The following VWA3B variants were observed in gnomAD, a reference collection of about 807,000 sequenced individuals.
VWA3B encodes von Willebrand factor A domain-containing protein 3B.
In VWA3B, 138 loss-of-function variants were observed where a neutral mutation model predicts 158.3. That is an observed-to-expected ratio of 0.87 (90% CI 0.76 to 1.00). The LOEUF (loss-of-function observed/expected upper bound fraction) is 1.00, where lower values mean the gene tolerates loss of function less well. VWA3B is among the 50% of genes least tolerant of loss of function. VWA3B has a pLI of 0.00. For synonymous variants in VWA3B, 596 were observed against 587.3 expected (o/e 1.01, Z -0.21); for missense variants, 1,555 against 1,565.1 (o/e 0.99, Z 0.11).
chr2:98,328,883 C>G, the VWA3B span, among the ~76,000 whole-genome samples: 1 of 152,148 alleles, frequency 6.6e-6, no homozygotes, highest in Non-Finnish European at 1.5e-5. Flanking sequence ...CCAAATCATT[C>G]TTAATAAAAT....
chr2:98,329,202 A>G, the VWA3B span, among the ~76,000 whole-genome samples: 2 of 152,262 alleles, frequency 1.3e-5, no homozygotes, highest in Admixed American at 6.5e-5. Context: ...AGATTAGATC[A>G]TAGACATAAA....
intron 7 of VWA3B, among the ~76,000 whole-genome samples, chr2:98,140,383 A>G (rs931322934): frequency 5.3e-5 from 8 of 152,198 alleles, no homozygotes; most frequent in Non-Finnish European, 1.0e-4. Context: ...CAGGAGATTT[A>G]GTCTGGCAGA....
At chr2:98,139,034 G>A (rs1052873060) in intron 7 of VWA3B, among the ~76,000 whole-genome samples, 9 of 152,226 alleles carry the variant, frequency 5.9e-5, no homozygotes, top group African/African-American at 1.7e-4. Flanking sequence ...GGGGCTGCGC[G>A]TGGAGCTTGC....
intron 20 of VWA3B, among the ~76,000 whole-genome samples, chr2:98,253,255 T>G (rs75516905): frequency 6.6e-6 from 1 of 152,270 alleles, no homozygotes; most frequent in Admixed American, 6.5e-5. Context: ...CTAAGGAGTT[T>G]TCCAACAAAG....
At chr2:98,181,985 A>C (rs562119877) in intron 9 of VWA3B, among the ~76,000 whole-genome samples, 1 of 152,380 alleles carries the variant, frequency 6.6e-6, no homozygotes, top group East Asian at 1.9e-4. Context: ...AAGACTAAGA[A>C]GTGTCCCAAT....
At chr2:98,220,212 A>G (rs1427352037) in intron 14 of VWA3B, among the ~76,000 whole-genome samples, 1 of 151,616 alleles carries the variant, frequency 6.6e-6, no homozygotes, top group Non-Finnish European at 1.5e-5. Flanking sequence ...AAAAGAATTC[A>G]TCACCAACAA....
intron 8 of VWA3B, among the ~76,000 whole-genome samples, chr2:98,178,184 G>C (rs1201577906): frequency 6.6e-6 from 1 of 152,190 alleles, no homozygotes; most frequent in East Asian, 1.9e-4. Context: ...TCGGAGCTCT[G>C]AGAAGCCTCT....
At chr2:98,293,531 A>G (rs980509086) in intron 23 of VWA3B, among the ~76,000 whole-genome samples, 4 of 152,222 alleles carry the variant, frequency 2.6e-5, no homozygotes, top group African/African-American at 9.6e-5. Flanking sequence ...AAAAGTCACA[A>G]GAATAATACA....
intron 2 of VWA3B, among the ~76,000 whole-genome samples, chr2:98,110,080 C>CTTTTTTT (rs541914854): frequency 1.4e-5 from 2 of 145,044 alleles, no homozygotes; most frequent in Non-Finnish European, 1.5e-5. Context: ...TCTTTGAATT[C>CTTTTTTT]TTTTTTTTTT....
chr2:98,172,258 G>A (rs1287092161), intron 8 of VWA3B, among the ~76,000 whole-genome samples: 3 of 152,250 alleles, frequency 2.0e-5, no homozygotes, highest in African/African-American at 7.2e-5. Flanking sequence ...GGAGCTAGAA[G>A]GGTGATGGTT....
intron 8 of VWA3B, among the ~76,000 whole-genome samples, chr2:98,172,166 G>T (rs955377559): frequency 6.6e-6 from 1 of 152,238 alleles, no homozygotes; most frequent in Non-Finnish European, 1.5e-5. Context: ...TTGCCTTGGT[G>T]TACCAGAAGA....
chr2:98,119,455 G>A, intron 3 of VWA3B, 58 bp from the exon 4 acceptor site: 1 of 1,577,766 alleles, frequency 6.3e-7, no homozygotes, highest in African/African-American at 1.4e-5. Context: ...GCAGCACTGT[G>A]GTTCAAATGA....
At chr2:98,216,986 G>GA (rs1558686887) in intron 13 of VWA3B, 1 of 1,235,194 alleles carries the variant, frequency 8.1e-7, no homozygotes. Context: ...GTAAGCACCC[G>GA]CCCCGCACCC....
intron 26 of VWA3B, among the ~76,000 whole-genome samples, chr2:98,305,093 G>A (rs1365855862): frequency 6.6e-6 from 1 of 151,962 alleles, no homozygotes; most frequent in Non-Finnish European, 1.5e-5. Flanking sequence ...GAGTCGCTTT[G>A]GACGCCACCA....
At chr2:98,264,741 T>C (rs182560974) in intron 21 of VWA3B, among the ~76,000 whole-genome samples, 11 of 152,254 alleles carry the variant, frequency 7.2e-5, no homozygotes, top group African/African-American at 1.4e-4. Flanking sequence ...ATTGGTGGTG[T>C]TCAAGTCCTT....
At chr2:98,204,588 T>G (rs1682855974) in intron 12 of VWA3B, among the ~76,000 whole-genome samples, 1 of 152,264 alleles carries the variant, frequency 6.6e-6, no homozygotes. Context: ...ATTATTCATT[T>G]TATACTTTGT....
intron 6 of VWA3B, among the ~76,000 whole-genome samples, chr2:98,132,353 C>T (rs1675941047): frequency 6.6e-6 from 1 of 152,332 alleles, no homozygotes; most frequent in African/African-American, 2.4e-5. Flanking sequence ...GGGGCCCCAG[C>T]TGGAGGGCAG....
At chr2:98,171,214 G>C (rs1413787908) in intron 8 of VWA3B, among the ~76,000 whole-genome samples, 4 of 152,136 alleles carry the variant, frequency 2.6e-5, no homozygotes, top group Admixed American at 2.6e-4. Flanking sequence ...GACATGGAAC[G>C]GGCCCTCATA....
intron 14 of VWA3B, among the ~76,000 whole-genome samples, chr2:98,222,800 G>C (rs1684619372): frequency 6.6e-6 from 1 of 152,210 alleles, no homozygotes; most frequent in Admixed American, 6.5e-5. Flanking sequence ...TGCCGTTGGA[G>C]CAAAGACCCA....
Sources: allele counts gnomAD v4.1 joint callset (sites outside exome capture counted in the v4.1 genomes callset), GRCh38; gene constraint gnomAD v4.1.1; transcripts MANE v1.5; gene names NCBI Gene and HGNC (gene_info 2026-07-23, HGNC 2026-07-21).